Variants in LPCAT1 observed in about 807,000 individuals in gnomAD.
LPCAT1 encodes lysophosphatidylcholine acyltransferase 1.
LPCAT1 carries 23 observed loss-of-function variants against 60.9 expected under a neutral mutation model. That is an observed-to-expected ratio of 0.38 (90% confidence interval 0.27 to 0.53). The LOEUF (loss-of-function observed/expected upper bound fraction) is 0.53. LPCAT1 is among the 20% of genes least tolerant of loss of function. LPCAT1 has a pLI of 0.82. For missense variants in LPCAT1, 622 were observed against 723.6 expected, an observed-to-expected ratio of 0.86 and a Z score of 1.61; for synonymous variants, 340 against 301.1, an observed-to-expected ratio of 1.13 and a Z score of -1.34.
intron 1 of LPCAT1, among the ~76,000 whole-genome samples, chr5:1,513,649 T>C (rs560581111): frequency 3.3e-5 from 5 of 150,460 alleles, no homozygotes; most frequent in African/African-American, 1.2e-4. Flanking sequence ...TGCGATTATG[T>C]TTCCTCCATT....
In LPCAT1 at chr5:1,480,927, C is replaced by G. The variant is rs376718658; in HGVS notation, c.761+15G>C. On this transcript the variant is annotated intron_variant, in intron 7 of 13. Coordinates refer to ENST00000283415, the MANE Select transcript of LPCAT1 (RefSeq NM_024830.5). The surrounding 1 kb of genome is among the most constrained non-coding windows in gnomAD (Gnocchi z 6.4). ...GAACAACAGGACAAAGAGGACGACA[C>G]GGCGTTCAACTTACGCTCCAGGTCC... 6.2e-7 allele frequency: 1 copy of G among 1,613,818 alleles called. No individual in the cohort carries two copies. The highest frequency in any genetic ancestry group is 8.5e-7 in the Non-Finnish European group (1 of 1,179,970).
At chr5:1,505,481 G>GGGCTGGGGGAGC (rs1423604377) in intron 1 of LPCAT1, among the ~76,000 whole-genome samples, 5 of 152,384 alleles carry the variant, frequency 3.3e-5, no homozygotes, top group African/African-American at 1.2e-4. Context: ...AACAGCTCCG[G>GGGCTGGGGGAGC]GGCTGGGGGA....
Position 1,495,252 on chromosome 5 carries a change from G to C in LPCAT1, c.279-338C>G, listed in dbSNP as rs1735744473. Reference sequence around the variant, plus strand: ...GGCCAGAAGACCTCCGGACCTTCATGTTAGCAACTTATTTATCAGCATCCT... The same window carrying C: ...GGCCAGAAGACCTCCGGACCTTCATCTTAGCAACTTATTTATCAGCATCCT... On this transcript the variant is annotated intron_variant, in intron 2 of 13. Coordinates refer to ENST00000283415, the MANE Select transcript of LPCAT1 (RefSeq NM_024830.5). This position sits in a 1 kb window ranked among gnomAD's most constrained non-coding sequence, Gnocchi z 4.7. Among the ~76,000 whole-genome samples, 1 of 151,832 alleles carries C rather than the reference G, an allele frequency of 6.6e-6. No homozygotes were observed. The highest frequency in any genetic ancestry group is 1.5e-5 in the Non-Finnish European group (1 of 67,994).
intron 11 of LPCAT1, among the ~76,000 whole-genome samples, chr5:1,471,236 C>T (rs527484189): frequency 6.6e-6 from 1 of 152,194 alleles, no homozygotes; most frequent in African/African-American, 2.4e-5. Flanking sequence ...GAGAATACCC[C>T]CTAAGCACCA....
At chr5:1,464,501 C>T (rs945204435) in intron 13 of LPCAT1, among the ~76,000 whole-genome samples, 1 of 152,154 alleles carries the variant, frequency 6.6e-6, no homozygotes, top group Non-Finnish European at 1.5e-5. Context: ...TCAAAGAGCC[C>T]GAACACACCA....
Position 1,487,119 on chromosome 5 carries a change from G to T in LPCAT1, c.667+1272C>A, listed in dbSNP as rs1485650999. On this transcript the variant is annotated intron_variant, in intron 5 of 13. Transcript: ENST00000283415. This position sits in a 1 kb window ranked among gnomAD's most constrained non-coding sequence, Gnocchi z 6.1. The stretch of plus-strand genomic sequence containing the variant: ...CTCCCGAGGAACACCTGCCCTTGAA[G>T]ACAGGGCCCAGCAGTGACCCCAGCC... 1.3e-5 allele frequency among the ~76,000 whole-genome samples: 2 copies of T among 152,234 alleles called. No homozygotes were observed. Among genetic ancestry groups the T allele is most frequent in the African/African-American group, 2.4e-5 (1 of 41,470 alleles).
Position 1,476,858 on chromosome 5 carries a change from G to A in LPCAT1, c.899+546C>T, listed in dbSNP as rs1392323849. Among the ~76,000 whole-genome samples, 1 of 152,064 alleles carries A rather than the reference G, an allele frequency of 6.6e-6. No individual in the cohort carries two copies. Among genetic ancestry groups the A allele is most frequent in the Non-Finnish European group, 1.5e-5 (1 of 67,994 alleles). On this transcript the variant is annotated intron_variant, in intron 9 of 13. Coordinates refer to ENST00000283415, the MANE Select transcript of LPCAT1 (RefSeq NM_024830.5). This position sits in a 1 kb window ranked among gnomAD's most constrained non-coding sequence, Gnocchi z 8.6. ...AGGGAGGGAGAGGGGGAGGGCGTGT[G>A]AGCCGACAGCACTGCCGGCCATGCA...
chr5:1,475,966 A>G (rs1734898409), intron 9 of LPCAT1, among the ~76,000 whole-genome samples: 1 of 152,074 alleles, frequency 6.6e-6, no homozygotes, highest in African/African-American at 2.4e-5. Flanking sequence ...ACGGTGGCAG[A>G]CCCTCCAACG....
At chr5:1,489,879 C>T (rs745470908) in intron 3 of LPCAT1, 21 bp from the exon 4 acceptor site, 47 of 1,549,504 alleles carry the variant, frequency 3.0e-5, no homozygotes, top group Admixed American at 2.0e-4. Flanking sequence ...GGAGGGGAGA[C>T]GGATCACGTG....
At position 1,523,525 on chromosome 5, in the gene LPCAT1, G is replaced by C. The variant is rs904142144; in HGVS notation, c.135+185C>G. Among the ~76,000 whole-genome samples, 2 of 150,888 alleles carry C rather than the reference G, an allele frequency of 1.3e-5. No individual in the cohort carries two copies. The highest frequency in any genetic ancestry group is 3.9e-4 in the East Asian group (2 of 5,158). On this transcript the variant is annotated intron_variant, in intron 1 of 13. Transcript: ENST00000283415. This position sits in a 1 kb window ranked among gnomAD's most constrained non-coding sequence, Gnocchi z 7.1. ...GGCGGGAAGCCGGCGCCGAGACCGA[G>C]GCATCGGGTGCGGGCGGCGGGGACG...
At chr5:1,474,809 A>AG in intron 9 of LPCAT1, 124 bp from the exon 10 acceptor site, 2 of 1,292,054 alleles carry the variant, frequency 1.5e-6, no homozygotes, top group African/African-American at 3.0e-5. Flanking sequence ...AGACAGGGGA[A>AG]GGGCCAGTTG....
Position 1,521,398 on chromosome 5 carries a change from G to A in LPCAT1, c.135+2312C>T, listed in dbSNP as rs1736673623. On this transcript the variant is annotated intron_variant, in intron 1 of 13. Transcript: ENST00000283415. This position sits in a 1 kb window ranked among gnomAD's most constrained non-coding sequence, Gnocchi z 4.3. The stretch of plus-strand genomic sequence containing the variant: ...TGGGTTTCTGCGGGTTCTTGAGTGT[G>A]TCAGCCACTACTGGACCCATTTCTT... 4.1e-6 allele frequency: 4 copies of A among 985,300 alleles called. No individual in the cohort carries two copies. The South Asian group carries it at 1.9e-4, about 46-fold the overall frequency. 61.0% of individuals were successfully genotyped at this position (985,300 alleles called of 1,614,324 possible). A position where few individuals can be genotyped will look rare whatever the true frequency, so the allele number is the denominator to read the frequency against.
chr5:1,518,979 G>A (rs1736591250), intron 1 of LPCAT1, among the ~76,000 whole-genome samples: 1 of 152,258 alleles, frequency 6.6e-6, no homozygotes, highest in South Asian at 2.1e-4. Flanking sequence ...AGAGCAGGGT[G>A]CATGAGTGGG....
In LPCAT1 at chr5:1,523,593, G is replaced by C; in HGVS notation, c.135+117C>G. ...GCGGGGAGGGAAGGCGCCGCGGCTC[G>C]CAGGGCCGCGCCGCGCCCCAGGCCC... On this transcript the variant is annotated intron_variant, in intron 1 of 13. Coordinates refer to ENST00000283415, the MANE Select transcript of LPCAT1 (RefSeq NM_024830.5). The surrounding 1 kb of genome is among the most constrained non-coding windows in gnomAD (Gnocchi z 7.1). The C allele has an allele frequency of 1.4e-6, 1 of 698,976 alleles. No homozygotes were observed. The highest frequency in any genetic ancestry group is 1.8e-6 in the Non-Finnish European group (1 of 564,434). 43.3% of individuals were successfully genotyped at this position (698,976 alleles called of 1,614,324 possible). A position where few individuals can be genotyped will look rare whatever the true frequency, so the allele number is the denominator to read the frequency against.
Position 1,523,732 on chromosome 5 carries a change from A to G in LPCAT1, c.113T>C (p.Leu38Pro). ...CACCTGGGCCTTCTGCAGGGCGCTG[A>G]GGCGCAGCTCGTGCACGAAGGGGTT... is the stretch of plus-strand genomic sequence containing the variant. ...GRNPFVHELR[L>P]SALQKAQVAL... Residue 38 changes from leucine (L) to proline (P), a missense_variant, in exon 1 of 14, where the codon CTC becomes CCC. Around this residue, in one of 3 missense-constraint regions of LPCAT1, gnomAD observed 125 missense variants for 114.5 expected, o/e 1.09. Coordinates refer to ENST00000283415, the MANE Select transcript of LPCAT1 (RefSeq NM_024830.5). This position sits in a 1 kb window ranked among gnomAD's most constrained non-coding sequence, Gnocchi z 7.1. 8.5e-7 allele frequency: 1 copy of G among 1,171,602 alleles called. No individual in the cohort carries two copies. The allele number at this position is 1,171,602 out of a possible 1,614,324, so 72.6% of individuals were successfully genotyped here. A position where few individuals can be genotyped will look rare whatever the true frequency, so the allele number is the denominator to read the frequency against.
At position 1,477,341 on chromosome 5, in the gene LPCAT1, C is replaced by A. The variant is rs554024647; in HGVS notation, c.899+63G>T. On this transcript the variant is annotated intron_variant, in intron 9 of 13. Coordinates refer to ENST00000283415, the MANE Select transcript of LPCAT1 (RefSeq NM_024830.5). The surrounding 1 kb of genome is among the most constrained non-coding windows in gnomAD (Gnocchi z 6.0). ...AACGCTGTTGCCTATTTTAAATATACAGAGAGCAGCACTCTGGGAGACACC... is the reference window on the plus strand; with the variant it reads ...AACGCTGTTGCCTATTTTAAATATAAAGAGAGCAGCACTCTGGGAGACACC... 7 of 1,340,920 alleles carry A rather than the reference C, an allele frequency of 5.2e-6. No individual in the cohort carries two copies. Among genetic ancestry groups the A allele is most frequent in the Non-Finnish European group, 7.4e-6 (7 of 945,404 alleles). The allele number at this position is 1,340,920 out of a possible 1,614,324, so 83.1% of individuals were successfully genotyped here.
Position 1,477,205 on chromosome 5 carries a change from G to A in LPCAT1, c.899+199C>T, listed in dbSNP as rs1231946369. 6.6e-6 allele frequency among the ~76,000 whole-genome samples: 1 copy of A among 152,192 alleles called. No homozygotes were observed. Among genetic ancestry groups the A allele is most frequent in the Admixed American group, 6.5e-5 (1 of 15,288 alleles). ...AGTCATGCATCTTCCCAACGTCAAA[G>A]AGGGTGAAATGCCATCAGAGGGAAA... On this transcript the variant is annotated intron_variant, in intron 9 of 13. Transcript: ENST00000283415. The surrounding 1 kb of genome is among the most constrained non-coding windows in gnomAD (Gnocchi z 6.0).
intron 1 of LPCAT1, among the ~76,000 whole-genome samples, chr5:1,515,122 C>T (rs1258673730): frequency 6.7e-6 from 1 of 150,286 alleles, no homozygotes; most frequent in African/African-American, 2.5e-5. Flanking sequence ...CCCCAGCCTG[C>T]TGGCCCTTCC....
intron 5 of LPCAT1, among the ~76,000 whole-genome samples, chr5:1,485,079 G>C (rs115857111): frequency 0.01 from 1,578 of 152,310 alleles, 29 homozygotes; most frequent in African/African-American, 0.036. Flanking sequence ...AGCTCGCGTG[G>C]AGTGCCGAGA....
Sources: gnomAD v4.1 joint callset for allele counts (sites outside exome capture counted in the v4.1 genomes callset) on GRCh38, gnomAD v4.1.1 for gene constraint, gnomAD v4.1.1 regional missense constraint, Gnocchi (gnomAD v3.1) non-coding constraint, MANE v1.5 for transcripts, NCBI Gene and HGNC (gene_info 2026-07-23, HGNC 2026-07-21) for gene names.